Variants in NMT1 observed in about 807,000 individuals in gnomAD.
NMT1 encodes glycylpeptide N-tetradecanoyltransferase 1.
In NMT1, 12 loss-of-function variants were observed where a neutral mutation model predicts 63.4. The ratio of observed to expected loss-of-function variants is 0.19; its 90% confidence interval spans 0.12 to 0.31. The LOEUF is 0.31. NMT1 is among the 10% of genes least tolerant of loss of function. The pLI, the probability that NMT1 is intolerant of heterozygous loss-of-function variation, is 1.00. For synonymous variants in NMT1, 228 were observed against 234.3 expected, an observed-to-expected ratio of 0.97 and a Z score of 0.25; for missense variants, 432 against 634.6, an observed-to-expected ratio of 0.68 and a Z score of 3.43.
Position 45,061,713 on chromosome 17 carries a change from C to T in NMT1, c.131+253C>T. On this transcript the variant is annotated intron_variant, in intron 1 of 11. Coordinates refer to ENST00000258960, the MANE Select transcript of NMT1 (RefSeq NM_021079.5). ...TATGCAGTGTTCCACTCGTGTGCTTCAGGCCATTCCTGGGAAAAGAGCATG... is the reference window on the plus strand; with the variant it reads ...TATGCAGTGTTCCACTCGTGTGCTTTAGGCCATTCCTGGGAAAAGAGCATG... 7.7e-6 allele frequency: 3 copies of T among 388,898 alleles called. No homozygotes were observed. In the South Asian group the frequency reaches 1.0e-4, roughly 13 times the overall value. 24.1% of individuals were successfully genotyped at this position (388,898 alleles called of 1,614,324 possible). A position where few individuals can be genotyped will look rare whatever the true frequency, so the allele number is the denominator to read the frequency against.
At chr17:45,097,315 A>G in intron 6 of NMT1, 71 bp downstream of exon 6, 6 of 1,182,828 alleles carry the variant, frequency 5.1e-6, no homozygotes, top group South Asian at 2.4e-5. Flanking sequence ...GAGTAGAAAA[A>G]GGCTGCACAA....
In NMT1 at chr17:45,074,307, T is replaced by C. The variant is rs568361744; in HGVS notation, c.132-7337T>C. ...TCTGCTCACTGCAAGCTCCGCCTCCTGGGTTCACGCCATTCTCCTGCCTCA... is the reference window on the plus strand; with the variant it reads ...TCTGCTCACTGCAAGCTCCGCCTCCCGGGTTCACGCCATTCTCCTGCCTCA... On this transcript the variant is annotated intron_variant, in intron 1 of 11. Coordinates refer to ENST00000258960, the MANE Select transcript of NMT1 (RefSeq NM_021079.5). 2.9e-3 allele frequency among the ~76,000 whole-genome samples: 434 copies of C among 151,594 alleles called. 1 individual carries two copies. The highest frequency in any genetic ancestry group is 9.5e-3 in the African/African-American group (394 of 41,306).
chr17:45,066,684 C>G (rs1202355997), intron 1 of NMT1, among the ~76,000 whole-genome samples: 2 of 152,010 alleles, frequency 1.3e-5, no homozygotes, highest in Non-Finnish European at 2.9e-5. Flanking sequence ...TTCAGTTTTT[C>G]TATTTAAAAA....
chr17:45,070,787 G>C (rs1005932449), intron 1 of NMT1, among the ~76,000 whole-genome samples: 2 of 152,136 alleles, frequency 1.3e-5, no homozygotes, highest in Non-Finnish European at 2.9e-5. Flanking sequence ...CCAGACCTTA[G>C]GTGATCTGCC....
intron 2 of NMT1, among the ~76,000 whole-genome samples, 164 bp from the exon 3 acceptor site, chr17:45,086,344 C>T (rs540315942): frequency 1.7e-4 from 26 of 151,420 alleles, no homozygotes; most frequent in East Asian, 7.8e-4. Context: ...AGGTGGGTCT[C>T]GAACTCCTAA....
At chr17:45,064,941 C>T (rs1325901184) in intron 1 of NMT1, among the ~76,000 whole-genome samples, 1 of 152,158 alleles carries the variant, frequency 6.6e-6, no homozygotes, top group Non-Finnish European at 1.5e-5. Context: ...TCCTTTTCCT[C>T]CCTCCTCCTC....
At position 45,086,635 on chromosome 17, in the gene NMT1, A is replaced by G; in HGVS notation, c.368A>G (p.Gln123Arg). 6.2e-7 allele frequency: 1 copy of G among 1,612,216 alleles called. No individual in the cohort carries two copies. The highest frequency in any genetic ancestry group is 8.5e-7 in the Non-Finnish European group (1 of 1,179,168). Residue 123 changes from glutamine (Q) to arginine (R), a missense_variant, in exon 3 of 12, where the codon CAG becomes CGG. This residue lies in a region of NMT1 where 295 missense variants were observed against 489.7 expected (regional missense o/e 0.60). Transcript: ENST00000258960. ...CGAAGCTACCAGTTCTGGGATACGC[A>G]GCCCGTCCCCAAGCTGGGTATGTAC... ...SKRSYQFWDT[Q>R]PVPKLGEVVN... is the part of the protein sequence containing the mutation.
At chr17:45,083,618 T>A (rs2054031120) in intron 2 of NMT1, 1 of 152,162 alleles carries the variant, frequency 6.6e-6, no homozygotes, top group South Asian at 2.1e-4. Flanking sequence ...GGTCTTCCCT[T>A]TTTATTCATT....
rs35368650 is a variant in NMT1, at chr17:45,107,004, G to C, written c.*1365G>C. On this transcript the variant is annotated 3_prime_UTR_variant, in exon 12 of 12. Coordinates refer to ENST00000258960, the MANE Select transcript of NMT1 (RefSeq NM_021079.5). ...ATTGGGCTGTGAAATTGTACTTCCA[G>C]GCTTGGATGTAATTTTTGCTCTAGA... The C allele has an allele frequency of 6.6e-6, 1 of 152,236 alleles. No homozygotes were observed. The highest frequency in any genetic ancestry group is 2.4e-5 in the African/African-American group (1 of 41,442). The allele number at this position is 152,236 out of a possible 1,614,324, so 9.4% of individuals were successfully genotyped here. A position where few individuals can be genotyped will look rare whatever the true frequency, so the allele number is the denominator to read the frequency against.
chr17:45,105,250 G>A lies in NMT1; in HGVS notation c.1470+254G>A, dbSNP rs1045921096. On this transcript the variant is annotated intron_variant, in intron 11 of 11. Coordinates refer to ENST00000258960, the MANE Select transcript of NMT1 (RefSeq NM_021079.5). The surrounding 1 kb of genome is among the most constrained non-coding windows in gnomAD (Gnocchi z 4.2). ...ATCATCTCCAATGAGGCCTTCCCAC[G>A]TGAGGGAACCGTGGAAGTTGAGTTG... 1.3e-5 allele frequency among the ~76,000 whole-genome samples: 2 copies of A among 152,198 alleles called. No individual in the cohort carries two copies. The highest frequency in any genetic ancestry group is 1.9e-4 in the East Asian group (1 of 5,192).
chr17:45,090,097 A>T (rs1050362270), intron 3 of NMT1, among the ~76,000 whole-genome samples: 3 of 151,886 alleles, frequency 2.0e-5, no homozygotes, highest in Non-Finnish European at 4.4e-5. Context: ...AGCCTGGACA[A>T]CAGGGAAAGA....
chr17:45,069,652 C>A lies in NMT1; in HGVS notation c.131+8192C>A, dbSNP rs185052588. ...GCATCTCCACTGGTCTCTTTGACAT[C>A]TCAGAGGATCCATTCTGAACTTGCT... On this transcript the variant is annotated intron_variant, in intron 1 of 11. Coordinates refer to ENST00000258960, the MANE Select transcript of NMT1 (RefSeq NM_021079.5). Among the ~76,000 whole-genome samples, 424 of 152,250 alleles carry A rather than the reference C, an allele frequency of 2.8e-3. 1 individual carries two copies. Among genetic ancestry groups the A allele is most frequent in the African/African-American group, 9.1e-3 (380 of 41,550 alleles).
In NMT1 at chr17:45,099,374, C is replaced by T. The variant is rs775733922; in HGVS notation, c.885-31C>T. The T allele has an allele frequency of 5.2e-5, 78 of 1,486,388 alleles. 1 individual carries two copies. The Admixed American group carries it at 5.3e-4, about 10-fold the overall frequency. 92.1% of individuals were successfully genotyped at this position (1,486,388 alleles called of 1,614,324 possible). A position where few individuals can be genotyped will look rare whatever the true frequency, so the allele number is the denominator to read the frequency against. ...TCCTTGTAATAGGGATTGGCCAGAA[C>T]CCTGAGGACAGGACATTTGTGTCCC... is the stretch of plus-strand genomic sequence containing the variant. On this transcript the variant is annotated intron_variant, in intron 7 of 11. Transcript: ENST00000258960.
intron 7 of NMT1, 59 bp from the exon 8 acceptor site, chr17:45,099,346 T>G: frequency 8.3e-7 from 1 of 1,211,632 alleles, no homozygotes; most frequent in African/African-American, 1.5e-5. Context: ...CTCCCTGCCA[T>G]TGTCCTTGTA....
chr17:45,074,774 G>C (rs1459330816), intron 1 of NMT1, among the ~76,000 whole-genome samples: 1 of 152,180 alleles, frequency 6.6e-6, no homozygotes, highest in African/African-American at 2.4e-5. Context: ...TTGGTTTGCT[G>C]TATTCTAAGA....
intron 1 of NMT1, among the ~76,000 whole-genome samples, chr17:45,072,846 A>G (rs1567862551): frequency 1.3e-5 from 2 of 151,858 alleles, no homozygotes; most frequent in Non-Finnish European, 1.5e-5. Flanking sequence ...GGCGTGAGCC[A>G]CCGCGCCTGG....
rs1247240942 is a variant in NMT1, at chr17:45,099,822, C to A, written c.993+309C>A. 1.8e-5 allele frequency: 6 copies of A among 328,622 alleles called. No homozygotes were observed. The East Asian group carries it at 3.8e-4, about 21-fold the overall frequency. 20.4% of individuals were successfully genotyped at this position (328,622 alleles called of 1,614,324 possible). On this transcript the variant is annotated intron_variant, in intron 8 of 11. Transcript: ENST00000258960. ...GTAAAGCATAAATAGAATGATGAAT[C>A]CACTTAGTGAACCTTCATACACACG...
At chr17:45,071,941 A>G (rs2053942417) in intron 1 of NMT1, among the ~76,000 whole-genome samples, 1 of 152,238 alleles carries the variant, frequency 6.6e-6, no homozygotes, top group East Asian at 1.9e-4. Context: ...GAGCCTAAGG[A>G]GAGAGAAGAC....
intron 2 of NMT1, among the ~76,000 whole-genome samples, chr17:45,082,000 G>A (rs928513268): frequency 1.3e-5 from 2 of 152,292 alleles, no homozygotes; most frequent in African/African-American, 4.8e-5. Flanking sequence ...GGACAGGTGC[G>A]TACTGCATGT....
Sources: gnomAD v4.1 joint callset for allele counts (sites outside exome capture counted in the v4.1 genomes callset) on GRCh38, gnomAD v4.1.1 for gene constraint, gnomAD v4.1.1 regional missense constraint, Gnocchi (gnomAD v3.1) non-coding constraint, MANE v1.5 for transcripts, NCBI Gene and HGNC (gene_info 2026-07-23, HGNC 2026-07-21) for gene names.